ERI3: variants seen among roughly 807,000 people sequenced by gnomAD.
ERI3 encodes ERI1 exoribonuclease 3.
In ERI3, 18 loss-of-function variants were observed where a neutral mutation model predicts 44.4. The ratio of observed to expected loss-of-function variants is 0.41; its 90% CI spans 0.28 to 0.60. The LOEUF is 0.60. ERI3 is among the 20% of genes least tolerant of loss of function. The probability of loss-of-function intolerance (pLI) is 0.36; values close to 1 mark genes in which losing one functional copy is unlikely to be tolerated. For synonymous variants in ERI3, 183 were observed against 164.8 expected (o/e 1.11, Z -0.84); for missense variants, 294 against 435.5 (o/e 0.68, Z 2.89).
intron 8 of ERI3, among the ~76,000 whole-genome samples, chr1:44,234,523 C>T (rs1374475893): frequency 6.6e-6 from 1 of 151,916 alleles, no homozygotes; most frequent in East Asian, 2.0e-4. Context: ...ATTAGCTGGG[C>T]GTGGTGGCAC....
At chr1:44,338,989 TCCTC>T in intron 3 of ERI3, 52 bp downstream of exon 3, 1 of 1,581,042 alleles carries the variant, frequency 6.3e-7, no homozygotes, top group Non-Finnish European at 8.6e-7. Flanking sequence ...AGCAAAACTA[TCCTC>T]CCTCCCTCCT....
At chr1:44,226,265 T>G (rs913187504) in intron 8 of ERI3, among the ~76,000 whole-genome samples, 1 of 151,768 alleles carries the variant, frequency 6.6e-6, no homozygotes, top group East Asian at 1.9e-4. Context: ...AGTGACTGAC[T>G]AAAGGGAATC....
At chr1:44,282,796 A>T (rs1221172459) in intron 7 of ERI3, among the ~76,000 whole-genome samples, 1 of 152,238 alleles carries the variant, frequency 6.6e-6, no homozygotes, top group Non-Finnish European at 1.5e-5. Flanking sequence ...TCACAAGGCC[A>T]ACTAGCAACA....
At chr1:44,350,357 G>C (rs961985974) in intron 2 of ERI3, among the ~76,000 whole-genome samples, 2 of 151,976 alleles carry the variant, frequency 1.3e-5, no homozygotes, top group African/African-American at 4.8e-5. Context: ...CACTTCCCAG[G>C]TTCAAGTGAT....
intron 8 of ERI3, among the ~76,000 whole-genome samples, chr1:44,242,266 G>C (rs1644455064): frequency 6.6e-6 from 1 of 152,206 alleles, no homozygotes; most frequent in Non-Finnish European, 1.5e-5. Context: ...GGTGGCCAAA[G>C]CTGGGGGAAG....
chr1:44,312,489 C>T (rs1273590964), intron 5 of ERI3, among the ~76,000 whole-genome samples: 5 of 152,060 alleles, frequency 3.3e-5, no homozygotes, highest in African/African-American at 1.2e-4. Context: ...GCGCAAGAAA[C>T]AGCATCTTAA....
At chr1:44,320,840 A>G (rs1197347326) in intron 3 of ERI3, among the ~76,000 whole-genome samples, 1 of 152,178 alleles carries the variant, frequency 6.6e-6, no homozygotes, top group African/African-American at 2.4e-5. Flanking sequence ...TAAAAGCAAA[A>G]TTCTCTGAGT....
intron 3 of ERI3, among the ~76,000 whole-genome samples, chr1:44,337,560 T>C (rs1646560576): frequency 6.6e-6 from 1 of 152,144 alleles, no homozygotes; most frequent in African/African-American, 2.4e-5. Context: ...CTGCATTCCC[T>C]TACACCCAAA....
chr1:44,236,180 C>T (rs977815680), intron 8 of ERI3, among the ~76,000 whole-genome samples: 1 of 152,162 alleles, frequency 6.6e-6, no homozygotes, highest in African/African-American at 2.4e-5. Context: ...CTGCCTCCCC[C>T]TGCCCTGGCA....
chr1:44,270,686 G>A (rs985105312), intron 7 of ERI3, among the ~76,000 whole-genome samples: 1 of 152,204 alleles, frequency 6.6e-6, no homozygotes, highest in Non-Finnish European at 1.5e-5. Context: ...GCCAGCAAGA[G>A]AAGGCAGGCC....
At chr1:44,320,068 C>T (rs1557848815) in intron 3 of ERI3, among the ~76,000 whole-genome samples, 1 of 152,144 alleles carries the variant, frequency 6.6e-6, no homozygotes, top group Non-Finnish European at 1.5e-5. Flanking sequence ...TAACTTGAGC[C>T]CCTAAGAATA....
chr1:44,242,014 G>T, intron 8 of ERI3: 1 of 985,648 alleles, frequency 1.0e-6, no homozygotes, highest in Non-Finnish European at 1.2e-6. Flanking sequence ...CTCCAAGGGG[G>T]TCAGCTCAGG....
chr1:44,265,639 C>A (rs1240267573), intron 7 of ERI3, among the ~76,000 whole-genome samples: 1 of 151,196 alleles, frequency 6.6e-6, no homozygotes, highest in Non-Finnish European at 1.5e-5. Context: ...ATATTGATCA[C>A]CTGATGGGAG....
chr1:44,271,891 T>A (rs1030173565), intron 7 of ERI3, among the ~76,000 whole-genome samples: 1 of 152,208 alleles, frequency 6.6e-6, no homozygotes, highest in East Asian at 1.9e-4. Flanking sequence ...TGTCCCGCAG[T>A]GTGAGCTGAG....
intron 2 of ERI3, among the ~76,000 whole-genome samples, chr1:44,342,735 C>T (rs1369604407): frequency 7.0e-6 from 1 of 143,058 alleles, no homozygotes; most frequent in East Asian, 2.0e-4. Context: ...CAGCCTCGAA[C>T]TCCCACGCTC....
intron 2 of ERI3, among the ~76,000 whole-genome samples, chr1:44,350,555 C>G (rs973539297): frequency 6.6e-6 from 1 of 152,206 alleles, no homozygotes; most frequent in African/African-American, 2.4e-5. Context: ...AGCCACCGTG[C>G]CCAGCTCTTT....
At chr1:44,240,045 T>C (rs1485336647) in intron 8 of ERI3, among the ~76,000 whole-genome samples, 1 of 152,150 alleles carries the variant, frequency 6.6e-6, no homozygotes, top group East Asian at 1.9e-4. Flanking sequence ...GGTGGGAGGG[T>C]ACAGCAGGGA....
In ERI3 at chr1:44,284,853, C is replaced by T. The variant is rs1431719220; in HGVS notation, c.813G>A (p.Gln271=). Residue 271 remains glutamine, a synonymous_variant, in exon 7 of 9, where the codon CAG becomes CAA. Transcript: ENST00000372257. The part of the protein sequence containing the change: ...LGLPVADYFK[Q]WINLKKAYSF... ...ACAGTACCTTTTTCAGATTAATCCA[C>T]TGCTTGAAGTAATCCGCCACTGGCA... 6.2e-7 allele frequency: 1 copy of T among 1,614,084 alleles called. No individual in the cohort carries two copies. The highest frequency in any genetic ancestry group is 8.5e-7 in the Non-Finnish European group (1 of 1,179,978).
chr1:44,306,584 G>C (rs1043339385), intron 6 of ERI3, among the ~76,000 whole-genome samples: 2 of 152,232 alleles, frequency 1.3e-5, no homozygotes, highest in Non-Finnish European at 2.9e-5. Context: ...CAGACCAAAA[G>C]AAGACAGCAC....
Sources: gnomAD v4.1 joint callset for allele counts (sites outside exome capture counted in the v4.1 genomes callset) on GRCh38, gnomAD v4.1.1 for gene constraint, MANE v1.5 for transcripts, NCBI Gene and HGNC (gene_info 2026-07-23, HGNC 2026-07-21) for gene names.